Variants in SLIT2 observed in about 807,000 individuals in gnomAD.
SLIT2 encodes the protein slit homolog 2 protein.
SLIT2 carries 41 observed loss-of-function variants against 185.7 expected under a neutral mutation model. The observed-to-expected ratio is 0.22, with a 90% CI of 0.17 to 0.29. SLIT2 has a LOEUF of 0.29. Ranked by LOEUF, SLIT2 falls within the 10% of genes least tolerant of loss-of-function variation. The pLI is 1.00. For synonymous variants in SLIT2, 693 were observed against 680.2 expected, an observed-to-expected ratio of 1.02 and a Z score of -0.29; for missense variants, 1,571 against 1,909.0, an observed-to-expected ratio of 0.82 and a Z score of 3.30.
At chr4:20,521,312 A>C (rs1291054173) in intron 12 of SLIT2, among the ~76,000 whole-genome samples, 1 of 152,248 alleles carries the variant, frequency 6.6e-6, no homozygotes, top group Non-Finnish European at 1.5e-5. Flanking sequence ...CGGCATGATT[A>C]TCTCTTTACA....
chr4:20,513,739 C>T (rs12108401), intron 11 of SLIT2, among the ~76,000 whole-genome samples: 22,173 of 151,564 alleles, frequency 0.15, 1,709 homozygotes, highest in East Asian at 0.24. Context: ...CTGTGGTTGG[C>T]GGGGGGAAGC....
chr4:20,310,410 G>A (rs183254215), intron 4 of SLIT2, among the ~76,000 whole-genome samples: 23 of 152,084 alleles, frequency 1.5e-4, no homozygotes, highest in East Asian at 7.7e-4. Context: ...GTATTTCTTT[G>A]CAGTTCATAG....
At chr4:20,574,620 C>G (rs561283739) in intron 29 of SLIT2, among the ~76,000 whole-genome samples, 3 of 152,058 alleles carry the variant, frequency 2.0e-5, no homozygotes, top group African/African-American at 7.2e-5. Flanking sequence ...AACCCTGTCT[C>G]TACTAAAAAT....
chr4:20,304,976 G>T (rs1043036114), intron 4 of SLIT2, among the ~76,000 whole-genome samples: 1 of 152,142 alleles, frequency 6.6e-6, no homozygotes, highest in Non-Finnish European at 1.5e-5. Flanking sequence ...ATTTATCTTA[G>T]CTCAAAGTAC....
Position 20,467,822 on chromosome 4 carries a change from T to G in SLIT2, c.466T>G (p.Leu156Val). The change falls in exon 5 of 37, where the codon TTG becomes GTG. Residue 156 changes from leucine to valine, a missense_variant and splice_region_variant. Coordinates refer to ENST00000504154, the MANE Select transcript of SLIT2 (RefSeq NM_004787.4). Reference protein sequence around the residue: ...AFRGAVDIKNLQLDYNQISCI... With the variant: ...AFRGAVDIKNVQLDYNQISCI... ...CCGTGGGGCAGTTGACATAAAAAAT[T>G]TGTAAGTATCTATTTTTAAATTTAT... 1 of 1,543,870 alleles carries G rather than the reference T, an allele frequency of 6.5e-7. No individual in the cohort carries two copies. The highest frequency in any genetic ancestry group is 8.9e-7 in the Non-Finnish European group (1 of 1,127,226).
chr4:20,580,799 G>A (rs986089995), intron 29 of SLIT2, among the ~76,000 whole-genome samples: 1 of 152,128 alleles, frequency 6.6e-6, no homozygotes, highest in Non-Finnish European at 1.5e-5. Context: ...CTCTCTTGAA[G>A]CACGGGGAGC....
At chr4:20,329,936 G>A (rs530889974) in intron 4 of SLIT2, among the ~76,000 whole-genome samples, 9 of 152,008 alleles carry the variant, frequency 5.9e-5, no homozygotes, top group South Asian at 2.1e-4. Flanking sequence ...CTTGACCTGC[G>A]TGCTCTTTTC....
chr4:20,369,135 T>G (rs1033397583), intron 4 of SLIT2, among the ~76,000 whole-genome samples: 4 of 152,102 alleles, frequency 2.6e-5, no homozygotes, highest in African/African-American at 9.7e-5. Flanking sequence ...TTCTCTTTCT[T>G]TCCCAAGATG....
At chr4:20,353,438 C>T (rs770167103) in intron 4 of SLIT2, among the ~76,000 whole-genome samples, 7 of 152,030 alleles carry the variant, frequency 4.6e-5, no homozygotes, top group Non-Finnish European at 1.0e-4. Flanking sequence ...AAGCTTTTTG[C>T]TGTATCCAGA....
At chr4:20,389,801 G>A (rs1725273446) in intron 4 of SLIT2, among the ~76,000 whole-genome samples, 2 of 152,108 alleles carry the variant, frequency 1.3e-5, no homozygotes, top group South Asian at 4.1e-4. Context: ...CCAGGTACCA[G>A]TGGCAGCAAA....
At chr4:20,388,198 C>G (rs533025536) in intron 4 of SLIT2, among the ~76,000 whole-genome samples, 6 of 152,206 alleles carry the variant, frequency 3.9e-5, no homozygotes, top group African/African-American at 1.4e-4. Flanking sequence ...AAAAACTAAA[C>G]TGAAACCTTG....
chr4:20,464,827 T>G (rs1172229501), intron 4 of SLIT2, among the ~76,000 whole-genome samples: 2 of 152,208 alleles, frequency 1.3e-5, no homozygotes, highest in Non-Finnish European at 2.9e-5. Context: ...CTTGCTTTTT[T>G]TGACTGTCAG....
intron 29 of SLIT2, among the ~76,000 whole-genome samples, chr4:20,571,298 A>G (rs1421727873): frequency 1.3e-5 from 2 of 152,216 alleles, no homozygotes; most frequent in Non-Finnish European, 2.9e-5. Flanking sequence ...ATCAACAAAA[A>G]TACTAAACAG....
chr4:20,609,301 A>T (rs1275427695), intron 33 of SLIT2, among the ~76,000 whole-genome samples: 1 of 152,140 alleles, frequency 6.6e-6, no homozygotes, highest in Non-Finnish European at 1.5e-5. Flanking sequence ...GGCCCTTGAA[A>T]ATTATAGAAA....
At position 20,541,606 on chromosome 4, in the gene SLIT2, C is replaced by T. The variant is rs1282988429; in HGVS notation, c.2130C>T (p.Phe710=). ...IPIQDVAIQD[F]TCDDGNDDNS... ...TCCAGGATGTGGCCATTCAGGACTTCACTTGTGATGACGGTAAGAAATACT... is the reference window on the plus strand; with the variant it reads ...TCCAGGATGTGGCCATTCAGGACTTTACTTGTGATGACGGTAAGAAATACT... Residue 710 remains phenylalanine (F), a synonymous_variant, in exon 20 of 37, where the codon TTC becomes TTT. Coordinates refer to ENST00000504154, the MANE Select transcript of SLIT2 (RefSeq NM_004787.4). The T allele has an allele frequency of 6.2e-7, 1 of 1,613,782 alleles. No individual in the cohort carries two copies. Among genetic ancestry groups the T allele is most frequent in the East Asian group, 2.2e-5 (1 of 44,868 alleles).
rs1170701764 is a variant in SLIT2, at chr4:20,254,074, A to C, written c.179+80A>C. 1 of 1,438,608 alleles carries C rather than the reference A, an allele frequency of 7.0e-7. No individual in the cohort carries two copies. The highest frequency in any genetic ancestry group is 9.5e-7 in the Non-Finnish European group (1 of 1,053,742). 89.1% of individuals were successfully genotyped at this position (1,438,608 alleles called of 1,614,324 possible). On this transcript the variant is annotated intron_variant, in intron 1 of 36. Transcript: ENST00000504154. This position sits in a 1 kb window ranked among gnomAD's most constrained non-coding sequence, Gnocchi z 5.1. ...CTCCACTGGAGGAACCTGTCAGCTCAGGGTCCTGTGCCTGGGGCAGCCCTC... is the reference window on the plus strand; with the variant it reads ...CTCCACTGGAGGAACCTGTCAGCTCCGGGTCCTGTGCCTGGGGCAGCCCTC...
At chr4:20,384,580 C>T (rs928860741) in intron 4 of SLIT2, among the ~76,000 whole-genome samples, 6 of 152,048 alleles carry the variant, frequency 3.9e-5, no homozygotes, top group African/African-American at 1.4e-4. Flanking sequence ...AGTTGTGTCA[C>T]TAAGAATATT....
intron 4 of SLIT2, among the ~76,000 whole-genome samples, chr4:20,371,668 C>T (rs946162892): frequency 6.6e-6 from 1 of 151,934 alleles, no homozygotes; most frequent in Non-Finnish European, 1.5e-5. Flanking sequence ...GGTTATGCCA[C>T]CCGAGAGGGA....
chr4:20,575,860 G>A (rs1726047345), intron 29 of SLIT2, among the ~76,000 whole-genome samples: 1 of 151,804 alleles, frequency 6.6e-6, no homozygotes, highest in Admixed American at 6.6e-5. Flanking sequence ...CGAGAACTAG[G>A]CTACCTTTTA....
Sources: gnomAD v4.1 joint callset for allele counts (sites outside exome capture counted in the v4.1 genomes callset) on GRCh38, gnomAD v4.1.1 for gene constraint, Gnocchi (gnomAD v3.1) non-coding constraint, MANE v1.5 for transcripts, NCBI Gene and HGNC (gene_info 2026-07-23, HGNC 2026-07-21) for gene names.